The following CACHD1 variants were observed in gnomAD, a reference collection of about 807,000 sequenced individuals.
The protein encoded by CACHD1 is cache domain containing 1.
CACHD1 carries 71 observed loss-of-function variants against 138.7 expected under a neutral mutation model. The ratio of observed to expected loss-of-function variants is 0.51; its 90% CI spans 0.42 to 0.62. The LOEUF is 0.62. Ranked by LOEUF, CACHD1 falls within the 20% of genes least tolerant of loss-of-function variation. The pLI is 0.00. For missense variants in CACHD1, 1,389 were observed against 1,625.3 expected (o/e 0.85, Z 2.50); for synonymous variants, 578 against 591.5 (o/e 0.98, Z 0.33).
intron 3 of CACHD1, among the ~76,000 whole-genome samples, chr1:64,602,471 T>TTTTC (rs1491536156): frequency 1.5e-4 from 1 of 6,640 alleles, no homozygotes; most frequent in African/African-American, 4.8e-4. Flanking sequence ...TCCCATCTGA[T>TTTTC]TTTTTTTTTT....
chr1:64,681,541 G>GTTTTTTTGTTT (rs1650182846), intron 25 of CACHD1, among the ~76,000 whole-genome samples: 1 of 68,132 alleles, frequency 1.5e-5, no homozygotes, highest in Non-Finnish European at 2.7e-5. Context: ...ATTTTATTGT[G>GTTTTTTTGTTT]TTTTTTTTTT....
chr1:64,661,421 T>A (rs1017101317), intron 13 of CACHD1, among the ~76,000 whole-genome samples: 1 of 152,144 alleles, frequency 6.6e-6, no homozygotes, highest in African/African-American at 2.4e-5. Flanking sequence ...GCTCACCCCA[T>A]CTTACTGCAC....
At chr1:64,475,415 C>G (rs1043610172) in intron 1 of CACHD1, among the ~76,000 whole-genome samples, 1 of 152,152 alleles carries the variant, frequency 6.6e-6, no homozygotes, top group African/African-American at 2.4e-5. Context: ...ATCCTCCCAC[C>G]TTGGCTTCCC....
chr1:64,577,465 A>G (rs1243296784), intron 2 of CACHD1, among the ~76,000 whole-genome samples: 2 of 152,198 alleles, frequency 1.3e-5, no homozygotes, highest in African/African-American at 4.8e-5. Context: ...GAGAGGGTTG[A>G]TCTCCATATT....
chr1:64,477,266 C>A (rs886995546), intron 1 of CACHD1, among the ~76,000 whole-genome samples: 1 of 152,146 alleles, frequency 6.6e-6, no homozygotes, highest in Non-Finnish European at 1.5e-5. Flanking sequence ...GCTCCTAAGC[C>A]TGAATGAAAC....
intron 1 of CACHD1, among the ~76,000 whole-genome samples, chr1:64,549,388 ATGAG>A (rs1418716343): frequency 2.0e-5 from 3 of 152,160 alleles, no homozygotes; most frequent in African/African-American, 4.8e-5. Flanking sequence ...TGTTGAATGA[ATGAG>A]TGACACATTG....
intron 1 of CACHD1, among the ~76,000 whole-genome samples, chr1:64,547,769 T>A (rs1291511093): frequency 6.6e-6 from 1 of 152,208 alleles, no homozygotes; most frequent in African/African-American, 2.4e-5. Flanking sequence ...ACTAAAGTTC[T>A]TAAAGCTCCT....
At chr1:64,667,192 T>C (rs1273377061) in intron 16 of CACHD1, among the ~76,000 whole-genome samples, 1 of 152,166 alleles carries the variant, frequency 6.6e-6, no homozygotes, top group Non-Finnish European at 1.5e-5. Context: ...CAAATAGCTA[T>C]TTTTTCCTAG....
In CACHD1 at chr1:64,497,336, C is replaced by A. The variant is rs544473671; in HGVS notation, c.198+26394C>A. Among the ~76,000 whole-genome samples, 3 of 152,256 alleles carry A rather than the reference C, an allele frequency of 2.0e-5. No individual in the cohort carries two copies. The South Asian group carries it at 6.2e-4, about 32-fold the overall frequency. On this transcript the variant is annotated intron_variant, in intron 1 of 26. Coordinates refer to ENST00000651257, the MANE Select transcript of CACHD1 (RefSeq NM_020925.4). ...GCTTTAGGGTAGATAAAGAAAAGGA[C>A]ACAGGCCTTGCATCTGCTTATTGTG...
chr1:64,526,050 G>A (rs1399808130), intron 1 of CACHD1, among the ~76,000 whole-genome samples: 4 of 152,156 alleles, frequency 2.6e-5, no homozygotes, highest in Admixed American at 6.5e-5. Context: ...TTTGTGAACC[G>A]TGTCAGCTTC....
intron 1 of CACHD1, among the ~76,000 whole-genome samples, chr1:64,476,610 G>A (rs554555210): frequency 2.6e-5 from 4 of 152,170 alleles, no homozygotes; most frequent in Admixed American, 6.5e-5. Context: ...GTCCATTGAC[G>A]GATGACTCTG....
At chr1:64,657,447 T>C (rs1201370198) in intron 12 of CACHD1, among the ~76,000 whole-genome samples, 1 of 152,218 alleles carries the variant, frequency 6.6e-6, no homozygotes, top group Non-Finnish European at 1.5e-5. Flanking sequence ...GGGTTTTGTC[T>C]TTTGGTTCCT....
chr1:64,535,493 T>C (rs2100414508), intron 1 of CACHD1, among the ~76,000 whole-genome samples: 1 of 152,090 alleles, frequency 6.6e-6, no homozygotes, highest in Middle Eastern at 3.4e-3. Context: ...ACCTGGTTAA[T>C]TTTGTATTTT....
intron 4 of CACHD1, among the ~76,000 whole-genome samples, chr1:64,606,106 A>AACACACACACACACACACAC (rs112089755): frequency 0.025 from 3,728 of 148,876 alleles, 58 homozygotes; most frequent in South Asian, 0.033. Context: ...AGGAGCTGTA[A>AACACACACACACACACACAC]ACACACACAC....
intron 3 of CACHD1, among the ~76,000 whole-genome samples, chr1:64,599,193 C>T (rs1431612498): frequency 6.6e-6 from 1 of 151,924 alleles, no homozygotes; most frequent in Non-Finnish European, 1.5e-5. Context: ...TGTTCATGAA[C>T]CAGCTAGTTT....
rs966313873 is a variant in CACHD1, at chr1:64,634,211, G to A, written c.957G>A (p.Lys319=). ...CCCAGCACGCAGTGGGATTCCAAAA[G>A]GCATTTCAGCTGATTCGAAGTACAA... The part of the protein sequence containing the change: ...SPTQHAVGFQ[K]AFQLIRSTNN... Residue 319 remains lysine, a synonymous_variant, in exon 7 of 27, where the codon AAG becomes AAA. Transcript: ENST00000651257. 6.2e-7 allele frequency: 1 copy of A among 1,613,764 alleles called. No homozygotes were observed. The highest frequency in any genetic ancestry group is 8.5e-7 in the Non-Finnish European group (1 of 1,179,956).
In CACHD1 at chr1:64,561,169, G is replaced by GT. The variant is rs139562284; in HGVS notation, c.261+10523dup. On this transcript the variant is annotated intron_variant, in intron 2 of 26. Transcript: ENST00000651257. ...AATTAATATTTTGGGTTTTTTTTCT[G>GT]TTTTTTTTTTCATTAGCTCCTCCTT... Among the ~76,000 whole-genome samples, 577 of 140,982 alleles carry GT rather than the reference G, an allele frequency of 4.1e-3. 2 individuals carry two copies. The highest frequency in any genetic ancestry group is 7.3e-3 in the Admixed American group (103 of 14,178). 92.5% of individuals were successfully genotyped at this position (140,982 alleles called of 152,430 possible).
intron 1 of CACHD1, among the ~76,000 whole-genome samples, chr1:64,527,444 G>C (rs1363623942): frequency 6.6e-6 from 1 of 152,184 alleles, no homozygotes; most frequent in African/African-American, 2.4e-5. Context: ...GGAGTCTTGT[G>C]ATATGTATTT....
At chr1:64,670,472 T>C (rs1480552394) in intron 16 of CACHD1, among the ~76,000 whole-genome samples, 1 of 152,220 alleles carries the variant, frequency 6.6e-6, no homozygotes, top group Non-Finnish European at 1.5e-5. Context: ...GAAAGTCCTA[T>C]GTTGGGTAAA....
Sources: gnomAD v4.1 joint callset for allele counts (sites outside exome capture counted in the v4.1 genomes callset) on GRCh38, gnomAD v4.1.1 for gene constraint, MANE v1.5 for transcripts, NCBI Gene and HGNC (gene_info 2026-07-23, HGNC 2026-07-21) for gene names.